The following GRID1 variants were observed in gnomAD, a reference collection of about 807,000 sequenced individuals.
The protein encoded by GRID1 is glutamate receptor ionotropic, delta-1.
In GRID1, 28 loss-of-function variants were observed where a neutral mutation model predicts 98.0. That is an observed-to-expected ratio of 0.29 (90% CI 0.21 to 0.39). The LOEUF is 0.39. Among genes scored for constraint, GRID1 ranks in the 10% least tolerant of loss-of-function variants. GRID1 has a pLI of 1.00. For synonymous variants in GRID1, 553 were observed against 538.5 expected (o/e 1.03, Z -0.37); for missense variants, 1,111 against 1,340.5 (o/e 0.83, Z 2.67).
chr10:86,194,352 G>A (rs1023818843), intron 3 of GRID1, among the ~76,000 whole-genome samples: 22 of 152,222 alleles, frequency 1.4e-4, no homozygotes, highest in African/African-American at 5.1e-4. Context: ...AAAAAGAATG[G>A]GGTAGAACCA....
At chr10:86,291,719 C>T (rs1290410341) in intron 2 of GRID1, among the ~76,000 whole-genome samples, 4 of 152,284 alleles carry the variant, frequency 2.6e-5, no homozygotes, top group Admixed American at 1.3e-4. Flanking sequence ...CGGAGAGCTC[C>T]GTGGGAATGA....
At chr10:85,857,620 C>G (rs897623105) in intron 6 of GRID1, among the ~76,000 whole-genome samples, 1 of 152,212 alleles carries the variant, frequency 6.6e-6, no homozygotes, top group Non-Finnish European at 1.5e-5. Context: ...CCACTGATAA[C>G]TGTTGCACAA....
At chr10:86,150,082 T>C (rs1049573212) in intron 3 of GRID1, among the ~76,000 whole-genome samples, 3 of 152,240 alleles carry the variant, frequency 2.0e-5, no homozygotes, top group African/African-American at 4.8e-5. Flanking sequence ...TCTTCCTCTA[T>C]GATTTGCAGG....
chr10:86,174,333 C>G (rs1416672503), intron 3 of GRID1, among the ~76,000 whole-genome samples: 1 of 152,010 alleles, frequency 6.6e-6, no homozygotes, highest in African/African-American at 2.4e-5. Flanking sequence ...TCAGAAATAA[C>G]GCCACATATC....
At position 86,037,872 on chromosome 10, in the gene GRID1, C is replaced by T. The variant is rs1475059607; in HGVS notation, c.726+100947G>A. 2.0e-5 allele frequency among the ~76,000 whole-genome samples: 3 copies of T among 151,798 alleles called. No homozygotes were observed. In the East Asian group the frequency reaches 5.8e-4, roughly 29 times the overall value. On this transcript the variant is annotated intron_variant, in intron 4 of 15. Transcript: ENST00000327946. ...CTGCCATTGTATGGGCTGAATGTGTCCCCCCAAAATTCATACGTTAAAGGC... is the reference window on the plus strand; with the variant it reads ...CTGCCATTGTATGGGCTGAATGTGTTCCCCCAAAATTCATACGTTAAAGGC...
intron 8 of GRID1, among the ~76,000 whole-genome samples, chr10:85,817,320 G>C (rs1450413879): frequency 2.0e-5 from 3 of 151,706 alleles, no homozygotes; most frequent in African/African-American, 7.3e-5. Context: ...TTGGGTCCAG[G>C]AGTTCCAGAC....
In GRID1 at chr10:85,609,280, T is replaced by C. The variant is rs139955855; in HGVS notation, c.2601+4127A>G. ...ATTGCTCAGCACAGGAAAGGAGCCC[T>C]AAGGTGTCACTTGTCTCTCCCATAT... On this transcript the variant is annotated intron_variant, in intron 15 of 15. Transcript: ENST00000327946. Among the ~76,000 whole-genome samples the C allele has an allele frequency of 1.4e-3, 209 of 152,326 alleles. 2 individuals carry two copies. Among genetic ancestry groups the C allele is most frequent in the African/African-American group, 4.9e-3 (202 of 41,578 alleles).
chr10:86,026,144 A>G (rs968351253), intron 4 of GRID1, among the ~76,000 whole-genome samples: 5 of 152,256 alleles, frequency 3.3e-5, no homozygotes, highest in Non-Finnish European at 7.3e-5. Flanking sequence ...CAACATCTAT[A>G]TTATTGCATA....
At chr10:86,094,691 C>T (rs575378461) in intron 4 of GRID1, among the ~76,000 whole-genome samples, 3 of 152,124 alleles carry the variant, frequency 2.0e-5, no homozygotes, top group South Asian at 2.1e-4. Flanking sequence ...AAATCACAGA[C>T]GACACAAACA....
chr10:86,299,033 C>T (rs1475574249), intron 2 of GRID1, among the ~76,000 whole-genome samples: 1 of 152,042 alleles, frequency 6.6e-6, no homozygotes, highest in Non-Finnish European at 1.5e-5. Flanking sequence ...TGTCCTATTC[C>T]ATTCCACCCC....
chr10:85,965,286 G>C (rs192186892), intron 4 of GRID1, among the ~76,000 whole-genome samples: 168 of 152,322 alleles, frequency 1.1e-3, no homozygotes, highest in Non-Finnish European at 1.9e-3. Flanking sequence ...CCATTACTGG[G>C]TATATACCCA....
At chr10:85,942,738 T>C (rs11595755) in intron 4 of GRID1, among the ~76,000 whole-genome samples, 18,807 of 152,246 alleles carry the variant, frequency 0.12, 1,504 homozygotes, top group Non-Finnish European at 0.18. Context: ...ATTCCAAAGC[T>C]GAAATTAACT....
chr10:85,835,426 G>T (rs976169366), intron 8 of GRID1, among the ~76,000 whole-genome samples: 3 of 152,164 alleles, frequency 2.0e-5, no homozygotes, highest in Admixed American at 1.3e-4. Context: ...TCCCCATACT[G>T]TTCTCATGGT....
chr10:86,271,639 G>A (rs879625811), intron 2 of GRID1, among the ~76,000 whole-genome samples: 17 of 152,138 alleles, frequency 1.1e-4, no homozygotes, highest in Admixed American at 1.0e-3. Flanking sequence ...AAAATAAACT[G>A]AATTGGATTA....
Position 85,902,796 on chromosome 10 carries a change from G to T in GRID1, c.780+13390C>A, listed in dbSNP as rs78235761. Among the ~76,000 whole-genome samples, 301 of 152,202 alleles carry T rather than the reference G, an allele frequency of 2.0e-3. 4 individuals are homozygous for T. The highest frequency in any genetic ancestry group is 6.9e-3 in the African/African-American group (286 of 41,518). ...GGGTTCTGTCCTCCCACCTTTCCCG[G>T]CATTCCCCTTCTAGGTCACGCACCC... On this transcript the variant is annotated intron_variant, in intron 5 of 15. Coordinates refer to ENST00000327946, the MANE Select transcript of GRID1 (RefSeq NM_017551.3).
chr10:85,793,038 T>G (rs1276578219), intron 8 of GRID1, among the ~76,000 whole-genome samples: 2 of 152,162 alleles, frequency 1.3e-5, no homozygotes, highest in African/African-American at 4.8e-5. Flanking sequence ...ATGATACAAC[T>G]TCTGGCAAGT....
At chr10:85,798,652 C>T (rs1842546858) in intron 8 of GRID1, among the ~76,000 whole-genome samples, 1 of 152,066 alleles carries the variant, frequency 6.6e-6, no homozygotes, top group African/African-American at 2.4e-5. Context: ...TGTCTCTTTG[C>T]ATATCTTCTG....
intron 3 of GRID1, among the ~76,000 whole-genome samples, chr10:86,187,153 G>C (rs1448454008): frequency 6.6e-6 from 1 of 152,172 alleles, no homozygotes; most frequent in Non-Finnish European, 1.5e-5. Flanking sequence ...GCGGGGCTCA[G>C]ACCTCTTTTG....
Position 86,138,935 on chromosome 10 carries a change from C to A in GRID1, c.610G>T (p.Val204Leu), listed in dbSNP as rs371302230. ...ATCGTGGTGAAGAGGCTGGTGAATA[C>A]GTGGCTAATGTTCTTGTCCACCTTT... Reference protein sequence around the residue: ...LQKVDKNISHVFTSLFTTMKT... With the variant: ...LQKVDKNISHLFTSLFTTMKT... The change falls in exon 4 of 16, where the codon GTA (valine) becomes TTA (leucine). Residue 204 changes from valine to leucine, a missense_variant. Physicochemically the swap from Val to Leu is conservative, Grantham distance 32. This residue lies in a region of GRID1 where 346 missense variants were observed against 452.3 expected (regional missense o/e 0.76). Coordinates refer to ENST00000327946, the MANE Select transcript of GRID1 (RefSeq NM_017551.3). The A allele has an allele frequency of 1.9e-6, 3 of 1,613,610 alleles. No homozygotes were observed. The highest frequency in any genetic ancestry group is 1.3e-5 in the African/African-American group (1 of 74,914).
Sources: allele counts gnomAD v4.1 joint callset (sites outside exome capture counted in the v4.1 genomes callset), GRCh38; gene constraint gnomAD v4.1.1; regional missense constraint gnomAD v4.1.1; transcripts MANE v1.5; gene names NCBI Gene and HGNC (gene_info 2026-07-23, HGNC 2026-07-21).